Variants in ST8SIA5 observed in about 807,000 individuals in gnomAD.
ST8SIA5 encodes the protein alpha-2,8-sialyltransferase 8E.
ST8SIA5 carries 24 observed loss-of-function variants against 40.2 expected under a neutral mutation model. The ratio of observed to expected loss-of-function variants is 0.60; its 90% CI spans 0.43 to 0.84. The LOEUF (loss-of-function observed/expected upper bound fraction) is 0.84, where lower values mean the gene tolerates loss of function less well. ST8SIA5 is among the 40% of genes least tolerant of loss of function. The probability of loss-of-function intolerance (pLI) is 0.00; values close to 1 mark genes in which losing one functional copy is unlikely to be tolerated. For missense variants in ST8SIA5, 465 were observed against 498.5 expected, an observed-to-expected ratio of 0.93 and a Z score of 0.64; for synonymous variants, 198 against 201.8, an observed-to-expected ratio of 0.98 and a Z score of 0.16.
At chr18:46,692,981 C>A (rs2039522270) in intron 2 of ST8SIA5, among the ~76,000 whole-genome samples, 1 of 151,338 alleles carries the variant, frequency 6.6e-6, no homozygotes, top group South Asian at 2.1e-4. Flanking sequence ...GGCTACCCTG[C>A]CGACCCTGCC....
chr18:46,711,265 G>C (rs1316039216), intron 1 of ST8SIA5, among the ~76,000 whole-genome samples: 1 of 152,164 alleles, frequency 6.6e-6, no homozygotes, highest in Non-Finnish European at 1.5e-5. Flanking sequence ...CTGCACAACT[G>C]TCCATGACAG....
intron 2 of ST8SIA5, among the ~76,000 whole-genome samples, chr18:46,695,306 T>C (rs749541950): frequency 3.3e-5 from 5 of 152,044 alleles, no homozygotes; most frequent in Non-Finnish European, 7.4e-5. Context: ...GGAGGGGTGA[T>C]TGCAGGAAAA....
At chr18:46,682,128 C>A in intron 5 of ST8SIA5, 64 bp from the exon 6 acceptor site, 2 of 1,295,230 alleles carry the variant, frequency 1.5e-6, no homozygotes, top group South Asian at 1.4e-5. Flanking sequence ...GGGGAGGGTG[C>A]AGGGGGAGGG....
chr18:46,693,750 A>G (rs1322000792), intron 2 of ST8SIA5, among the ~76,000 whole-genome samples: 3 of 152,154 alleles, frequency 2.0e-5, no homozygotes, highest in East Asian at 3.9e-4. Flanking sequence ...TAACTGACCA[A>G]TATGAGATCC....
At chr18:46,745,773 T>A (rs1395595012) in intron 1 of ST8SIA5, among the ~76,000 whole-genome samples, 1 of 152,146 alleles carries the variant, frequency 6.6e-6, no homozygotes, top group Non-Finnish European at 1.5e-5. Flanking sequence ...AAAAAGAGAA[T>A]TTTAGACCAA....
chr18:46,699,251 G>A (rs531289231), intron 2 of ST8SIA5, among the ~76,000 whole-genome samples: 113 of 152,264 alleles, frequency 7.4e-4, no homozygotes, highest in African/African-American at 2.4e-3. Context: ...ACAAGAAATC[G>A]ATTACTTAGG....
At chr18:46,696,546 T>C (rs1385747606) in intron 2 of ST8SIA5, among the ~76,000 whole-genome samples, 2 of 152,230 alleles carry the variant, frequency 1.3e-5, no homozygotes, top group African/African-American at 2.4e-5. Flanking sequence ...ATCCCAATCT[T>C]GCAATGTAAC....
At chr18:46,687,120 C>A (rs2039456335) in intron 4 of ST8SIA5, among the ~76,000 whole-genome samples, 1 of 152,122 alleles carries the variant, frequency 6.6e-6, no homozygotes, top group South Asian at 2.1e-4. Context: ...TCTGGCCTAC[C>A]GTCTGTTTTT....
At position 46,674,578 on chromosome 18, in the gene ST8SIA5, T is replaced by A. The variant is rs1037963859; in HGVS notation, c.*5464A>T. 2.0e-5 allele frequency: 3 copies of A among 152,292 alleles called. No homozygotes were observed. Among genetic ancestry groups the A allele is most frequent in the Admixed American group, 2.0e-4 (3 of 15,296 alleles). 9.4% of individuals were successfully genotyped at this position (152,292 alleles called of 1,614,324 possible). Reference sequence around the variant, plus strand: ...GTAGTAAACATGTGTTGAGTGGCCATGGCATGTGCTTCCCCGCCAGTGCTG... The same window carrying A: ...GTAGTAAACATGTGTTGAGTGGCCAAGGCATGTGCTTCCCCGCCAGTGCTG... On this transcript the variant is annotated 3_prime_UTR_variant, in exon 7 of 7. Coordinates refer to ENST00000315087, the MANE Select transcript of ST8SIA5 (RefSeq NM_013305.6).
At chr18:46,716,372 T>A (rs188874977) in intron 1 of ST8SIA5, among the ~76,000 whole-genome samples, 197 of 152,280 alleles carry the variant, frequency 1.3e-3, no homozygotes, top group African/African-American at 4.5e-3. Context: ...CTTGCTCTTT[T>A]TTCCTGTAGC....
Position 46,680,383 on chromosome 18 carries a change from C to T in ST8SIA5, c.790G>A (p.Val264Met), listed in dbSNP as rs200142549. 2.5e-6 allele frequency: 4 copies of T among 1,614,026 alleles called. No homozygotes were observed. Among genetic ancestry groups the T allele is most frequent in the Admixed American group, 1.7e-5 (1 of 60,002 alleles). The part of the protein sequence containing the change: ...NTDVSIRVKY[V>M]LDDFESPQAV... ...TGCGGCGATTCGAAGTCGTCCAGCA[C>T]GTACTTGACGCGGATGGACACGTCG... Residue 264 changes from valine to methionine, a missense_variant, in exon 7 of 7, where the codon GTG becomes ATG. Coordinates refer to ENST00000315087, the MANE Select transcript of ST8SIA5 (RefSeq NM_013305.6).
Position 46,756,494 on chromosome 18 carries a change from G to C in ST8SIA5, c.15C>G (p.Asp5Glu). The change falls in exon 1 of 7, where the codon GAC becomes GAG. Residue 5 changes from aspartate (D) to glutamate (E), a missense_variant. Coordinates refer to ENST00000315087, the MANE Select transcript of ST8SIA5 (RefSeq NM_013305.6). MRYA[D>E]PSANRDLLGS... The stretch of plus-strand genomic sequence containing the variant: ...CCAACAAATCCCGGTTGGCCGAGGG[G>C]TCCGCGTAGCGCATCCTGGCTACCG... The C allele has an allele frequency of 6.2e-7, 1 of 1,612,808 alleles. No homozygotes were observed. The highest frequency in any genetic ancestry group is 8.5e-7 in the Non-Finnish European group (1 of 1,179,156).
At chr18:46,714,161 A>G (rs1196966610) in intron 1 of ST8SIA5, among the ~76,000 whole-genome samples, 1 of 151,938 alleles carries the variant, frequency 6.6e-6, no homozygotes, top group African/African-American at 2.4e-5. Flanking sequence ...ACCTGCTATC[A>G]CTTACTAGCT....
intron 1 of ST8SIA5, among the ~76,000 whole-genome samples, chr18:46,724,082 C>T (rs1262736680): frequency 2.0e-5 from 3 of 152,246 alleles, no homozygotes; most frequent in Admixed American, 2.0e-4. Flanking sequence ...GTCTCTGCAC[C>T]TCTCAAGGCC....
intron 3 of ST8SIA5, chr18:46,691,855 C>T (rs1336922079): frequency 1.3e-5 from 5 of 377,300 alleles, no homozygotes; most frequent in Non-Finnish European, 2.5e-5. Context: ...CTGCTGGAGA[C>T]CGCCCACACA....
In ST8SIA5 at chr18:46,672,630, A is replaced by G. The variant is rs75426697; in HGVS notation, c.*7412T>C. ...TTTTCCTTTGAAATAAAAAAAAAAA[A>G]AAAGAAAGGTTCTCAGAAGAGACTG... On this transcript the variant is annotated 3_prime_UTR_variant, in exon 7 of 7. Transcript: ENST00000315087. 2 of 152,154 alleles carry G rather than the reference A, an allele frequency of 1.3e-5. No homozygotes were observed. Among genetic ancestry groups the G allele is most frequent in the Non-Finnish European group, 2.9e-5 (2 of 68,024 alleles). 9.4% of individuals were successfully genotyped at this position (152,154 alleles called of 1,614,324 possible).
At chr18:46,725,977 AT>A (rs1192748899) in intron 1 of ST8SIA5, among the ~76,000 whole-genome samples, 1 of 37,530 alleles carries the variant, frequency 2.7e-5, no homozygotes, top group African/African-American at 1.2e-4. Flanking sequence ...AAAAAAATAT[AT>A]ATATATATAT....
chr18:46,698,259 C>A (rs1212651929), intron 2 of ST8SIA5, among the ~76,000 whole-genome samples: 1 of 151,948 alleles, frequency 6.6e-6, no homozygotes, highest in East Asian at 1.9e-4. Context: ...AACAACCCAA[C>A]AATCCACAAC....
chr18:46,728,496 T>G (rs1225317747), intron 1 of ST8SIA5, among the ~76,000 whole-genome samples: 1 of 152,210 alleles, frequency 6.6e-6, no homozygotes, highest in East Asian at 1.9e-4. Flanking sequence ...CAAAAGAGGC[T>G]GAATCTATGG....
Sources: allele counts gnomAD v4.1 joint callset (sites outside exome capture counted in the v4.1 genomes callset), GRCh38; gene constraint gnomAD v4.1.1; transcripts MANE v1.5; gene names NCBI Gene and HGNC (gene_info 2026-07-23, HGNC 2026-07-21).